The following ZYG11A variants were observed in gnomAD, a reference collection of about 807,000 sequenced individuals.
ZYG11A encodes the protein zyg-11 family member A, cell cycle regulator, also known as protein zyg-11 homolog A.
ZYG11A carries 62 observed loss-of-function variants against 77.2 expected under a neutral mutation model. That is an observed-to-expected ratio of 0.80 (90% CI 0.65 to 0.99). The LOEUF is 0.99. Among genes scored for constraint, ZYG11A ranks in the 50% least tolerant of loss-of-function variants. The pLI is 0.00. For missense variants in ZYG11A, 828 were observed against 896.8 expected (o/e 0.92, Z 0.98); for synonymous variants, 315 against 324.6 (o/e 0.97, Z 0.32).
Position 52,857,766 on chromosome 1 carries a change from A to C in ZYG11A, c.1008+17A>C. 1.3e-6 allele frequency: 2 copies of C among 1,510,464 alleles called. No individual in the cohort carries two copies. Among genetic ancestry groups the C allele is most frequent in the Non-Finnish European group, 1.8e-6 (2 of 1,129,578 alleles). 93.6% of individuals were successfully genotyped at this position (1,510,464 alleles called of 1,614,324 possible). A position where few individuals can be genotyped will look rare whatever the true frequency, so the allele number is the denominator to read the frequency against. On this transcript the variant is annotated intron_variant, in intron 3 of 13. Transcript: ENST00000371528. ...GGCTTGAGGGTTTGTTCTTATCTGA[A>C]TAAGTTTTGTTTCATTTGTTTAGAA...
chr1:52,853,197 A>G (rs1557430187), intron 1 of ZYG11A, among the ~76,000 whole-genome samples: 1 of 152,226 alleles, frequency 6.6e-6, no homozygotes, highest in Non-Finnish European at 1.5e-5. Flanking sequence ...CCAGCATTGA[A>G]AGAGTATCAT....
At chr1:52,885,807 G>GTT in intron 11 of ZYG11A, 26 bp from the exon 12 acceptor site, 1 of 1,497,558 alleles carries the variant, frequency 6.7e-7, no homozygotes, top group Non-Finnish European at 8.9e-7. Flanking sequence ...TCAAATGTTG[G>GTT]TTTCTCTCTC....
At chr1:52,855,260 G>A (rs1227096759) in intron 2 of ZYG11A, among the ~76,000 whole-genome samples, 5 of 151,732 alleles carry the variant, frequency 3.3e-5, no homozygotes. Context: ...TGGGCTTAAA[G>A]AACTCCACTA....
chr1:52,854,367 A>C, intron 1 of ZYG11A, 98 bp from the exon 2 acceptor site: 12 of 1,121,764 alleles, frequency 1.1e-5, no homozygotes, highest in Non-Finnish European at 1.2e-5. Flanking sequence ...GTATCTTCAG[A>C]TACTCTCATC....
chr1:52,847,388 C>G (rs1421567340), intron 1 of ZYG11A, among the ~76,000 whole-genome samples: 1 of 151,734 alleles, frequency 6.6e-6, no homozygotes, highest in South Asian at 2.1e-4. Context: ...TTAGTACAGA[C>G]AGGGTTTCTC....
At chr1:52,873,226 C>T (rs760130215) in intron 8 of ZYG11A, among the ~76,000 whole-genome samples, 3 of 152,192 alleles carry the variant, frequency 2.0e-5, no homozygotes, top group Non-Finnish European at 4.4e-5. Context: ...ATGGGAAGAT[C>T]ACCGGAACCC....
chr1:52,858,301 C>T (rs1391580384), intron 3 of ZYG11A, among the ~76,000 whole-genome samples: 1 of 148,986 alleles, frequency 6.7e-6, no homozygotes, highest in Non-Finnish European at 1.5e-5. Flanking sequence ...GAGGCTGAGG[C>T]AGGAGAATCA....
intron 8 of ZYG11A, among the ~76,000 whole-genome samples, chr1:52,872,509 G>A (rs1297871780): frequency 1.3e-5 from 2 of 152,014 alleles, no homozygotes; most frequent in Admixed American, 6.6e-5. Flanking sequence ...CTTGTTATAC[G>A]ATATCCATTC....
rs780621368 is a variant in ZYG11A, at chr1:52,857,232, A to C, written c.491A>C (p.Asp164Ala). The part of the protein sequence containing the change: ...IQQNLQCLLL[D>A]STSIPQNSRL... ...CAAAACCTCCAGTGTCTCCTGTTAG[A>C]CTCGACAAGCATCCCTCAAAATTCA... The change falls in exon 3 of 14, where the codon GAC becomes GCC. Residue 164 changes from aspartate to alanine, a missense_variant. Transcript: ENST00000371528. The C allele has an allele frequency of 6.4e-7, 1 of 1,552,116 alleles. No homozygotes were observed. The highest frequency in any genetic ancestry group is 2.4e-5 in the East Asian group (1 of 40,918).
At chr1:52,854,854 C>G (rs972826725) in intron 2 of ZYG11A, among the ~76,000 whole-genome samples, 7 of 151,260 alleles carry the variant, frequency 4.6e-5, no homozygotes, top group Non-Finnish European at 5.9e-5. Flanking sequence ...TATCACTCAT[C>G]CATCTGCTCT....
chr1:52,863,520 C>T (rs1645967343), intron 4 of ZYG11A, among the ~76,000 whole-genome samples: 1 of 151,994 alleles, frequency 6.6e-6, no homozygotes, highest in Non-Finnish European at 1.5e-5. Context: ...CCAGAAATGG[C>T]CACTCTTTCC....
intron 1 of ZYG11A, among the ~76,000 whole-genome samples, chr1:52,846,360 ATATAT>A: frequency 1.0e-5 from 1 of 95,492 alleles, no homozygotes; most frequent in African/African-American, 4.4e-5. Flanking sequence ...ATATATATAT[ATATAT>A]ATTTTGAAAC....
At chr1:52,849,924 T>A (rs1353580974) in intron 1 of ZYG11A, among the ~76,000 whole-genome samples, 57 of 152,126 alleles carry the variant, frequency 3.7e-4, no homozygotes, top group Non-Finnish European at 1.3e-4. Context: ...GACCTCGTGA[T>A]CCGCCCACCT....
intron 4 of ZYG11A, among the ~76,000 whole-genome samples, chr1:52,861,744 C>G (rs1027891883): frequency 6.6e-6 from 1 of 151,924 alleles, no homozygotes; most frequent in Non-Finnish European, 1.5e-5. Flanking sequence ...ATTTACAGCT[C>G]AAAAGCTGTA....
At chr1:52,854,257 C>A (rs1005569137) in intron 1 of ZYG11A, among the ~76,000 whole-genome samples, 1 of 152,118 alleles carries the variant, frequency 6.6e-6, no homozygotes, top group Non-Finnish European at 1.5e-5. Context: ...TGAGGGACAG[C>A]TGTACAACAG....
chr1:52,889,713 A>ATT (rs34588418), intron 13 of ZYG11A, among the ~76,000 whole-genome samples: 4 of 132,684 alleles, frequency 3.0e-5, no homozygotes, highest in Non-Finnish European at 3.3e-5. Flanking sequence ...GCTAAATACC[A>ATT]TTTTTTTTTT....
At chr1:52,875,854 GA>G (rs1256234394) in intron 8 of ZYG11A, among the ~76,000 whole-genome samples, 2 of 146,864 alleles carry the variant, frequency 1.4e-5, no homozygotes, top group Non-Finnish European at 3.0e-5. Flanking sequence ...ATTTCTCAAT[GA>G]AAAAGATGAA....
intron 10 of ZYG11A, among the ~76,000 whole-genome samples, chr1:52,880,066 CTTTTT>C (rs10682296): frequency 2.7e-5 from 3 of 110,122 alleles, no homozygotes; most frequent in South Asian, 3.2e-4. Context: ...ACCCAGCCCA[CTTTTT>C]TTTTTTTTTT....
chr1:52,881,852 C>T, intron 11 of ZYG11A, 187 bp downstream of exon 11: 2 of 476,244 alleles, frequency 4.2e-6, no homozygotes, highest in Non-Finnish European at 7.3e-6. Flanking sequence ...TTACTTCGGT[C>T]CTCTTTCTCA....
Sources: allele counts gnomAD v4.1 joint callset (sites outside exome capture counted in the v4.1 genomes callset), GRCh38; gene constraint gnomAD v4.1.1; transcripts MANE v1.5; gene names NCBI Gene and HGNC (gene_info 2026-07-23, HGNC 2026-07-21).